The following LHFPL2 variants were observed in gnomAD, a reference collection of about 807,000 sequenced individuals.
LHFPL2 encodes the protein LHFPL tetraspan subfamily member 2 protein.
LHFPL2 carries 7 observed loss-of-function variants against 17.5 expected under a neutral mutation model. The ratio of observed to expected loss-of-function variants is 0.40; its 90% CI spans 0.23 to 0.75. LHFPL2 has a LOEUF of 0.75. LHFPL2 is among the 30% of genes least tolerant of loss of function. LHFPL2 has a pLI of 0.37. For missense variants in LHFPL2, 241 were observed against 294.8 expected, an observed-to-expected ratio of 0.82 and a Z score of 1.34; for synonymous variants, 134 against 116.2, an observed-to-expected ratio of 1.15 and a Z score of -0.99.
intron 2 of LHFPL2, among the ~76,000 whole-genome samples, chr5:78,581,750 T>G (rs1265298646): frequency 6.6e-6 from 1 of 152,214 alleles, no homozygotes; most frequent in African/African-American, 2.4e-5. Flanking sequence ...TCTAAAATTC[T>G]CTTTTTTGGT....
chr5:78,589,132 C>A (rs916103236), intron 2 of LHFPL2, among the ~76,000 whole-genome samples: 1 of 151,994 alleles, frequency 6.6e-6, no homozygotes, highest in African/African-American at 2.4e-5. Flanking sequence ...CATCCAGTTG[C>A]CATTGAGATA....
intron 3 of LHFPL2, among the ~76,000 whole-genome samples, chr5:78,563,680 G>A (rs1442805412): frequency 1.4e-5 from 2 of 144,468 alleles, no homozygotes; most frequent in African/African-American, 2.7e-5. Flanking sequence ...CAGCCTGGGT[G>A]ATAGAGCCAG....
chr5:78,606,825 C>A (rs1744228588), intron 2 of LHFPL2, among the ~76,000 whole-genome samples: 2 of 152,276 alleles, frequency 1.3e-5, no homozygotes, highest in South Asian at 4.2e-4. Flanking sequence ...CATGTGCCAA[C>A]CACCACGCTC....
At chr5:78,634,215 C>T (rs59539667) in intron 1 of LHFPL2, among the ~76,000 whole-genome samples, 43,900 of 152,002 alleles carry the variant, frequency 0.29, 6,630 homozygotes, top group Middle Eastern at 0.35. Context: ...GGTTAGGGGG[C>T]GGTGGGGAGG....
intron 3 of LHFPL2, among the ~76,000 whole-genome samples, chr5:78,539,689 G>C (rs758257184): frequency 6.6e-6 from 1 of 152,038 alleles, no homozygotes; most frequent in Non-Finnish European, 1.5e-5. Flanking sequence ...GGGGTCTCCG[G>C]ACAGGCTGCC....
At chr5:78,579,343 T>G in intron 2 of LHFPL2, among the ~76,000 whole-genome samples, 1 of 152,044 alleles carries the variant, frequency 6.6e-6, no homozygotes, top group East Asian at 1.9e-4. Context: ...TGTTTTTCAT[T>G]TATTTATTAT....
chr5:78,643,665 T>C (rs1054534147), intron 1 of LHFPL2, among the ~76,000 whole-genome samples: 1 of 152,096 alleles, frequency 6.6e-6, no homozygotes, highest in Non-Finnish European at 1.5e-5. Flanking sequence ...ACTAACCCCA[T>C]ATATTGACTA....
chr5:78,607,350 T>A (rs997217751), intron 2 of LHFPL2, among the ~76,000 whole-genome samples: 1 of 152,116 alleles, frequency 6.6e-6, no homozygotes, highest in African/African-American at 2.4e-5. Flanking sequence ...TGACCTCAAG[T>A]GATCCACCCC....
At position 78,510,072 on chromosome 5, in the gene LHFPL2, C is replaced by A. The variant is rs1755062635; in HGVS notation, c.142G>T (p.Gly48Cys). The A allele has an allele frequency of 1.2e-6, 2 of 1,611,838 alleles. No homozygotes were observed. The highest frequency in any genetic ancestry group is 1.3e-5 in the African/African-American group (1 of 74,896). Residue 48 changes from glycine (G) to cysteine (C), a missense_variant, in exon 4 of 5, where the codon GGC becomes TGC. Physicochemically the swap from Gly to Cys is radical, Grantham distance 159. Coordinates refer to ENST00000380345, the MANE Select transcript of LHFPL2 (RefSeq NM_005779.3). ...ARSRGGVEPA[G>C]PGGGSPEPYH... ...GGCTCCGGGGAGCCCCCGCCCGGGC[C>A]CGCCGGCTCCACGCCGCCGCGGCTC... is the stretch of plus-strand genomic sequence containing the variant.
At chr5:78,542,096 A>G (rs1756130570) in intron 3 of LHFPL2, among the ~76,000 whole-genome samples, 1 of 151,620 alleles carries the variant, frequency 6.6e-6, no homozygotes, top group African/African-American at 2.4e-5. Flanking sequence ...ATTTGTTTTA[A>G]AAGACCACTG....
chr5:78,628,197 C>T (rs9293757), intron 2 of LHFPL2, among the ~76,000 whole-genome samples: 62,317 of 152,024 alleles, frequency 0.41, 14,372 homozygotes, highest in African/African-American at 0.64. Flanking sequence ...GTGATAAAGA[C>T]CTCAAAAGGG....
chr5:78,559,346 T>C (rs1756663402), intron 3 of LHFPL2, among the ~76,000 whole-genome samples: 1 of 152,332 alleles, frequency 6.6e-6, no homozygotes, highest in Middle Eastern at 3.4e-3. Flanking sequence ...TAGTCTATAA[T>C]GTCAGACATT....
intron 2 of LHFPL2, among the ~76,000 whole-genome samples, chr5:78,590,515 T>A (rs1158051976): frequency 6.6e-6 from 1 of 152,202 alleles, no homozygotes; most frequent in Non-Finnish European, 1.5e-5. Context: ...TATTCAATTT[T>A]TTTTTCCAGT....
chr5:78,509,654 A>G, intron 4 of LHFPL2, 130 bp downstream of exon 4: 2 of 942,144 alleles, frequency 2.1e-6, no homozygotes, highest in Non-Finnish European at 3.2e-6. Flanking sequence ...GAAGGGGCAA[A>G]GGAAACCTGA....
chr5:78,603,025 G>C (rs868266711), intron 2 of LHFPL2, among the ~76,000 whole-genome samples: 22 of 152,204 alleles, frequency 1.4e-4, no homozygotes, highest in African/African-American at 5.1e-4. Context: ...TGAATAGCTG[G>C]GACTACAGGC....
intron 2 of LHFPL2, among the ~76,000 whole-genome samples, chr5:78,579,194 G>A (rs1232398289): frequency 1.3e-5 from 2 of 152,136 alleles, no homozygotes; most frequent in Non-Finnish European, 2.9e-5. Context: ...TAGTGATTTT[G>A]CTATTGTTAA....
intron 4 of LHFPL2, among the ~76,000 whole-genome samples, chr5:78,496,804 C>T (rs942402853): frequency 6.6e-6 from 1 of 152,204 alleles, no homozygotes; most frequent in Non-Finnish European, 1.5e-5. Context: ...CTGGCTTTTC[C>T]TTCTTGGTGT....
intron 3 of LHFPL2, among the ~76,000 whole-genome samples, chr5:78,511,490 C>T (rs1309072367): frequency 6.6e-6 from 1 of 152,240 alleles, no homozygotes; most frequent in Non-Finnish European, 1.5e-5. Context: ...AGGCCAGGAA[C>T]AATCACATAG....
intron 3 of LHFPL2, among the ~76,000 whole-genome samples, chr5:78,538,167 T>A (rs1756005488): frequency 6.6e-6 from 1 of 152,202 alleles, no homozygotes; most frequent in African/African-American, 2.4e-5. Flanking sequence ...CGAAAGCTTA[T>A]GAAAGGCTGA....
Sources: gnomAD v4.1 joint callset for allele counts (sites outside exome capture counted in the v4.1 genomes callset) on GRCh38, gnomAD v4.1.1 for gene constraint, MANE v1.5 for transcripts, NCBI Gene and HGNC (gene_info 2026-07-23, HGNC 2026-07-21) for gene names.